PDZRN3: variants seen among roughly 807,000 people sequenced by gnomAD.
PDZRN3 encodes E3 ubiquitin-protein ligase PDZRN3.
PDZRN3 carries 38 observed loss-of-function variants against 85.7 expected under a neutral mutation model. The observed-to-expected ratio is 0.44, with a 90% CI of 0.34 to 0.58. The LOEUF is 0.58. PDZRN3 is among the 20% of genes least tolerant of loss of function. The pLI is 0.01. For synonymous variants in PDZRN3, 759 were observed against 638.0 expected (o/e 1.19, Z -2.86); for missense variants, 1,629 against 1,506.4 (o/e 1.08, Z -1.35).
chr3:73,462,257 T>C lies in PDZRN3; in HGVS notation c.919-57862A>G, dbSNP rs564140895. On this transcript the variant is annotated intron_variant, in intron 3 of 9. Coordinates refer to ENST00000263666, the MANE Select transcript of PDZRN3 (RefSeq NM_015009.3). ...CTCTAGAGGTATAAAGTCATACTTT[T>C]GTCATTAAAAGGTCACATAGTTTGT... Among the ~76,000 whole-genome samples the C allele has an allele frequency of 2.0e-5, 3 of 152,260 alleles. No individual in the cohort carries two copies. The East Asian group carries it at 5.8e-4, about 29-fold the overall frequency.
At chr3:73,391,557 A>C (rs1250849591) in intron 5 of PDZRN3, among the ~76,000 whole-genome samples, 1 of 152,238 alleles carries the variant, frequency 6.6e-6, no homozygotes, top group African/African-American at 2.4e-5. Context: ...TAGAACTTGC[A>C]AACAGATTAC....
chr3:73,484,019 A>C (rs972840411), intron 3 of PDZRN3, among the ~76,000 whole-genome samples: 1 of 152,158 alleles, frequency 6.6e-6, no homozygotes, highest in Admixed American at 6.6e-5. Context: ...GGAAGAAAAA[A>C]GTGGAGGGAC....
At chr3:73,585,070 T>C (rs566789105) in intron 3 of PDZRN3, among the ~76,000 whole-genome samples, 133 of 152,364 alleles carry the variant, frequency 8.7e-4, no homozygotes, top group Non-Finnish European at 1.6e-3. Flanking sequence ...TTGGCTGGCA[T>C]ATAAACACAT....
intron 3 of PDZRN3, among the ~76,000 whole-genome samples, chr3:73,522,622 T>C (rs1210427018): frequency 6.6e-6 from 1 of 152,216 alleles, no homozygotes; most frequent in Non-Finnish European, 1.5e-5. Context: ...ACCTGATAAA[T>C]GGAACTGCAA....
At chr3:73,608,194 G>C (rs992529474) in intron 2 of PDZRN3, among the ~76,000 whole-genome samples, 21 of 152,136 alleles carry the variant, frequency 1.4e-4, no homozygotes, top group Non-Finnish European at 2.5e-4. Flanking sequence ...ATGAACAGCT[G>C]ACAGAGCAGA....
At chr3:73,584,253 A>C (rs555457150) in intron 3 of PDZRN3, among the ~76,000 whole-genome samples, 1 of 152,310 alleles carries the variant, frequency 6.6e-6, no homozygotes, top group Admixed American at 6.5e-5. Flanking sequence ...TTACTACTGA[A>C]CTTTAGGTGG....
At chr3:73,440,583 G>A (rs549246159) in intron 3 of PDZRN3, among the ~76,000 whole-genome samples, 43 of 152,250 alleles carry the variant, frequency 2.8e-4, no homozygotes, top group Non-Finnish European at 5.0e-4. Context: ...CGACACTGGC[G>A]ACAAATGGGT....
At chr3:73,537,979 G>A (rs1293965518) in intron 3 of PDZRN3, among the ~76,000 whole-genome samples, 2 of 152,082 alleles carry the variant, frequency 1.3e-5, no homozygotes, top group Admixed American at 6.5e-5. Context: ...AGGTATCATA[G>A]TCAATATCAG....
At chr3:73,561,687 T>C (rs1385129642) in intron 3 of PDZRN3, 1 of 152,214 alleles carries the variant, frequency 6.6e-6, no homozygotes, top group African/African-American at 2.4e-5. Flanking sequence ...AAGGAAGCTG[T>C]GGTCTTCACG....
In PDZRN3 at chr3:73,396,977, TTTTGTGTAC is replaced by T. The variant is rs1701650280; in HGVS notation, c.1254+3936_1254+3944del. On this transcript the variant is annotated intron_variant, in intron 5 of 9. Coordinates refer to ENST00000263666, the MANE Select transcript of PDZRN3 (RefSeq NM_015009.3). ...TTTGACACTTACCTAAATATGATCA[TTTTGTGTAC>T]TTTAAAAGGGAGAACATCTGTTTTT... 2.0e-5 allele frequency among the ~76,000 whole-genome samples: 3 copies of T among 152,108 alleles called. 1 individual carries two copies. The South Asian group carries it at 6.2e-4, about 32-fold the overall frequency.
intron 3 of PDZRN3, among the ~76,000 whole-genome samples, chr3:73,528,544 T>C (rs554780723): frequency 5.9e-5 from 9 of 152,300 alleles, no homozygotes; most frequent in African/African-American, 2.2e-4. Context: ...TGATCTTTTA[T>C]ATGCGATTAC....
intron 3 of PDZRN3, among the ~76,000 whole-genome samples, chr3:73,594,703 T>C (rs912631412): frequency 3.5e-5 from 4 of 114,082 alleles, no homozygotes; most frequent in Admixed American, 9.2e-5. Context: ...TTCAGAGAAG[T>C]CTTACCTGTG....
intron 3 of PDZRN3, among the ~76,000 whole-genome samples, chr3:73,451,273 C>CT (rs1702856131): frequency 6.6e-6 from 1 of 152,120 alleles, no homozygotes; most frequent in Non-Finnish European, 1.5e-5. Context: ...AATAATTGCT[C>CT]TCAAATTTTT....
chr3:73,468,547 T>C (rs763198442), intron 3 of PDZRN3, among the ~76,000 whole-genome samples: 2 of 152,172 alleles, frequency 1.3e-5, no homozygotes, highest in East Asian at 3.9e-4. Flanking sequence ...TGCTTAATGT[T>C]TGAACAGAAG....
intron 3 of PDZRN3, among the ~76,000 whole-genome samples, chr3:73,536,157 A>G (rs866249988): frequency 6.6e-6 from 1 of 152,256 alleles, no homozygotes; most frequent in Non-Finnish European, 1.5e-5. Context: ...ACTGTAAGCC[A>G]TTTCTAATAG....
chr3:73,559,723 A>C (rs1379204004), intron 3 of PDZRN3, among the ~76,000 whole-genome samples: 2 of 152,250 alleles, frequency 1.3e-5, no homozygotes, highest in Admixed American at 1.3e-4. Flanking sequence ...TTAAATAAAA[A>C]TATTAAATAA....
chr3:73,518,763 T>C (rs910589712), intron 3 of PDZRN3, among the ~76,000 whole-genome samples: 2 of 152,162 alleles, frequency 1.3e-5, no homozygotes, highest in African/African-American at 2.4e-5. Flanking sequence ...GAAAGGACTA[T>C]GCAATTCTCT....
chr3:73,578,095 T>C (rs62247811), intron 3 of PDZRN3, among the ~76,000 whole-genome samples: 1 of 152,182 alleles, frequency 6.6e-6, no homozygotes, highest in Non-Finnish European at 1.5e-5. Context: ...AACTCTCTGA[T>C]GGATCCTATC....
chr3:73,472,773 A>G (rs760294272), intron 3 of PDZRN3, among the ~76,000 whole-genome samples: 2 of 152,200 alleles, frequency 1.3e-5, no homozygotes, highest in Non-Finnish European at 2.9e-5. Context: ...AAAACAAATT[A>G]TGGGTAGCTG....
Sources: allele counts gnomAD v4.1 joint callset (sites outside exome capture counted in the v4.1 genomes callset), GRCh38; gene constraint gnomAD v4.1.1; transcripts MANE v1.5; gene names NCBI Gene and HGNC (gene_info 2026-07-23, HGNC 2026-07-21).